The following UGGT2 variants were observed in gnomAD, a reference collection of about 807,000 sequenced individuals.
UGGT2 encodes UDP-glucose glycoprotein glucosyltransferase 2.
Under a neutral mutation model 192.1 loss-of-function variants are expected in UGGT2, and 180 were observed. The observed-to-expected ratio is 0.94, with a 90% CI of 0.83 to 1.06. The LOEUF is 1.06. Ranked by LOEUF, UGGT2 falls within the 50% of genes least tolerant of loss-of-function variation. The probability of loss-of-function intolerance (pLI) is 0.00; values close to 1 mark genes in which losing one functional copy is unlikely to be tolerated. For synonymous variants in UGGT2, 580 were observed against 591.0 expected (o/e 0.98, Z 0.27); for missense variants, 1,849 against 1,795.7 (o/e 1.03, Z -0.54).
Position 95,878,184 on chromosome 13 carries a change from C to T in UGGT2, c.3229-328G>A, listed in dbSNP as rs148671505. ...GCTTCAGTTTGCTGTTGTCCTGAAG[C>T]TCCCACTTCAGACTTGGCAAGAAAG... On this transcript the variant is annotated intron_variant, in intron 27 of 38. Coordinates refer to ENST00000376747, the MANE Select transcript of UGGT2 (RefSeq NM_020121.4). 3.2e-3 allele frequency among the ~76,000 whole-genome samples: 481 copies of T among 152,118 alleles called. 3 individuals carry two copies. The highest frequency in any genetic ancestry group is 0.011 in the African/African-American group (459 of 41,514).
chr13:95,808,534 G>A (rs776523914), intron 38 of UGGT2, among the ~76,000 whole-genome samples: 44 of 151,530 alleles, frequency 2.9e-4, no homozygotes, highest in Admixed American at 7.2e-4. Flanking sequence ...TGGTTGGGTC[G>A]AGGATCAGCA....
intron 22 of UGGT2, 49 bp downstream of exon 22, chr13:95,900,758 T>C (rs1566660174): frequency 1.3e-6 from 2 of 1,562,994 alleles, no homozygotes; most frequent in Non-Finnish European, 1.7e-6. Flanking sequence ...GGCAGACCAG[T>C]GCACTGCAGT....
At chr13:95,879,040 A>G (rs2047420053) in intron 27 of UGGT2, among the ~76,000 whole-genome samples, 1 of 152,142 alleles carries the variant, frequency 6.6e-6, no homozygotes, top group Non-Finnish European at 1.5e-5. Context: ...TTTTCATGGG[A>G]TAGTCTCAGA....
At chr13:96,021,889 A>C (rs2052524554) in intron 4 of UGGT2, among the ~76,000 whole-genome samples, 1 of 152,202 alleles carries the variant, frequency 6.6e-6, no homozygotes, top group Non-Finnish European at 1.5e-5. Flanking sequence ...TTTTTCCTAA[A>C]TTAACCAATA....
rs149807519 is a variant in UGGT2, at chr13:95,943,872, T to C, written c.1677+3165A>G. 9.3e-3 allele frequency among the ~76,000 whole-genome samples: 1,410 copies of C among 152,166 alleles called. 25 individuals carry two copies. The highest frequency in any genetic ancestry group is 0.032 in the African/African-American group (1,344 of 41,570). ...CTTTTTCCATTTTTAAAAACAATGC[T>C]TTCTATCATTTTACTGCTAAGATGT... On this transcript the variant is annotated intron_variant, in intron 15 of 38. Transcript: ENST00000376747.
chr13:95,962,504 A>G (rs931530889), intron 12 of UGGT2, among the ~76,000 whole-genome samples: 11 of 152,182 alleles, frequency 7.2e-5, no homozygotes, highest in African/African-American at 2.4e-4. Flanking sequence ...AGGAAGAAAC[A>G]GAAAACCTGA....
chr13:95,932,319 G>A (rs2049313034), intron 17 of UGGT2, among the ~76,000 whole-genome samples: 1 of 143,064 alleles, frequency 7.0e-6, no homozygotes, highest in African/African-American at 2.5e-5. Flanking sequence ...ATTTGTGTGT[G>A]TGTGTGTGTG....
chr13:95,868,913 T>C (rs1436436610), intron 29 of UGGT2, among the ~76,000 whole-genome samples: 3 of 152,074 alleles, frequency 2.0e-5, no homozygotes, highest in Non-Finnish European at 4.4e-5. Context: ...ACTTTAAGTT[T>C]TAGGGTACAT....
In UGGT2 at chr13:95,983,817, TTTA is replaced by T. The variant is rs1423289123; in HGVS notation, c.1076_1078del (p.Ile359del). Reference sequence around the variant, plus strand: ...ATTCAAACAAACCTTTTGATTTTCCTTTATTTCTTCTCTCATATGTTGATTTAC... The same window carrying T: ...ATTCAAACAAACCTTTTGATTTTCCTTTTCTTCTCTCATATGTTGATTTAC... On this transcript the variant is annotated inframe_deletion, in exon 10 of 39. Transcript: ENST00000376747. 12 of 1,564,970 alleles carry T rather than the reference TTTA, an allele frequency of 7.7e-6. No individual in the cohort carries two copies. The highest frequency in any genetic ancestry group is 7.8e-6 in the Non-Finnish European group (9 of 1,154,360).
intron 2 of UGGT2, among the ~76,000 whole-genome samples, chr13:96,028,658 TA>T (rs2139143701): frequency 6.6e-6 from 1 of 152,338 alleles, no homozygotes; most frequent in South Asian, 2.1e-4. Context: ...TTAAATGGTA[TA>T]AAACTAGTAC....
At chr13:95,922,941 G>C (rs1200774483) in intron 20 of UGGT2, among the ~76,000 whole-genome samples, 3 of 152,224 alleles carry the variant, frequency 2.0e-5, no homozygotes, top group East Asian at 3.8e-4. Context: ...TCAACACTGT[G>C]ATGTGACAGA....
chr13:96,027,136 G>C (rs1386669920), intron 2 of UGGT2, among the ~76,000 whole-genome samples: 2 of 152,090 alleles, frequency 1.3e-5, no homozygotes, highest in African/African-American at 4.8e-5. Flanking sequence ...AATACTTATA[G>C]TTACAAGGTC....
At chr13:95,815,517 T>A (rs1053842164) in intron 38 of UGGT2, among the ~76,000 whole-genome samples, 2 of 152,192 alleles carry the variant, frequency 1.3e-5, no homozygotes, top group Admixed American at 6.5e-5. Context: ...TAGTAAAATA[T>A]GTACACTGCA....
intron 8 of UGGT2, among the ~76,000 whole-genome samples, chr13:95,987,169 A>G (rs961622103): frequency 6.6e-6 from 1 of 152,120 alleles, no homozygotes; most frequent in Non-Finnish European, 1.5e-5. Context: ...CAACCTTTCA[A>G]CACTAGTCTC....
At chr13:95,840,992 T>C (rs371676846) in intron 36 of UGGT2, among the ~76,000 whole-genome samples, 6 of 151,508 alleles carry the variant, frequency 4.0e-5, no homozygotes, top group East Asian at 1.9e-4. Context: ...TAAGTGGGAG[T>C]TGAACAATGA....
intron 6 of UGGT2, 54 bp downstream of exon 6, chr13:95,999,157 A>G: frequency 6.8e-7 from 1 of 1,467,468 alleles, no homozygotes. Flanking sequence ...AAACTAAAGT[A>G]TGTAAAAGCC....
At chr13:95,973,365 T>C (rs568791100) in intron 10 of UGGT2, among the ~76,000 whole-genome samples, 30 of 152,260 alleles carry the variant, frequency 2.0e-4, no homozygotes, top group African/African-American at 6.5e-4. Flanking sequence ...TACATGATAT[T>C]ACAGTTCTAA....
intron 6 of UGGT2, among the ~76,000 whole-genome samples, chr13:95,996,395 G>C (rs1335088897): frequency 6.6e-6 from 1 of 151,904 alleles, no homozygotes; most frequent in Admixed American, 6.6e-5. Flanking sequence ...CCAGCTACTT[G>C]GGAGGCAGGA....
At chr13:95,991,313 A>G in intron 7 of UGGT2, 1 of 286,942 alleles carries the variant, frequency 3.5e-6, no homozygotes, top group South Asian at 3.3e-5. Context: ...GTCTTCCACA[A>G]CGGTTGAACT....
Sources: gnomAD v4.1 joint callset for allele counts (sites outside exome capture counted in the v4.1 genomes callset) on GRCh38, gnomAD v4.1.1 for gene constraint, MANE v1.5 for transcripts, NCBI Gene and HGNC (gene_info 2026-07-23, HGNC 2026-07-21) for gene names.